Variants in RAB11FIP3 observed in about 807,000 individuals in gnomAD.
The protein encoded by RAB11FIP3 is RAB11 family interacting protein 3.
In RAB11FIP3, 17 loss-of-function variants were observed where a neutral mutation model predicts 77.8. That is an observed-to-expected ratio of 0.22 (90% confidence interval 0.15 to 0.33). The LOEUF (loss-of-function observed/expected upper bound fraction) is 0.33. Ranked by LOEUF, RAB11FIP3 falls within the 10% of genes least tolerant of loss-of-function variation. RAB11FIP3 has a pLI of 1.00. For synonymous variants in RAB11FIP3, 437 were observed against 448.2 expected (o/e 0.98, Z 0.31); for missense variants, 1,005 against 1,011.2 (o/e 0.99, Z 0.08).
At chr16:432,259 C>T (rs1407159142) in intron 1 of RAB11FIP3, among the ~76,000 whole-genome samples, 1 of 151,942 alleles carries the variant, frequency 6.6e-6, no homozygotes, top group Non-Finnish European at 1.5e-5. Flanking sequence ...CGCCTATAAT[C>T]CCAGGTACTT....
intron 8 of RAB11FIP3, among the ~76,000 whole-genome samples, chr16:510,086 ACC>A: frequency 7.4e-6 from 1 of 134,328 alleles, no homozygotes; most frequent in Admixed American, 7.5e-5. Flanking sequence ...TGGCCCTGGC[ACC>A]TCCACGCCCC....
chr16:509,304 C>T (rs1038353890), intron 8 of RAB11FIP3, among the ~76,000 whole-genome samples: 3 of 152,264 alleles, frequency 2.0e-5, no homozygotes, highest in African/African-American at 4.8e-5. Flanking sequence ...AGCTTTGGCT[C>T]TCTGCTCGCG....
chr16:492,425 C>CCCGGGAGATCCGAGGCCGCCCAGAGCCCT (rs2030511213), intron 5 of RAB11FIP3, among the ~76,000 whole-genome samples: 1 of 43,226 alleles, frequency 2.3e-5, no homozygotes, highest in Non-Finnish European at 4.5e-5. Flanking sequence ...CCAGGGCCCT[C>CCCGGGAGATCCGAGGCCGCCCAGAGCCCT]CCCGGGAGAC....
chr16:508,431 T>C (rs753319817), intron 8 of RAB11FIP3, among the ~76,000 whole-genome samples: 8 of 152,264 alleles, frequency 5.3e-5, no homozygotes, highest in Non-Finnish European at 7.3e-5. Flanking sequence ...TGGAGTGCAA[T>C]GGCACAATCT....
chr16:471,495 G>C lies in RAB11FIP3; in HGVS notation c.903+106G>C. ...CTCCGGGCTGTCTTCCGTAGAAGCT[G>C]GCGTGAAGGAAGGGCCTCCCGCCCT... On this transcript the variant is annotated intron_variant, in intron 3 of 13. Coordinates refer to ENST00000262305, the MANE Select transcript of RAB11FIP3 (RefSeq NM_014700.4). The surrounding 1 kb of genome is among the most constrained non-coding windows in gnomAD (Gnocchi z 4.4). The C allele has an allele frequency of 9.8e-7, 1 of 1,017,104 alleles. No homozygotes were observed. Among genetic ancestry groups the C allele is most frequent in the Non-Finnish European group, 1.5e-6 (1 of 670,460 alleles). The allele number at this position is 1,017,104 out of a possible 1,614,324, so 63.0% of individuals were successfully genotyped here.
At chr16:451,589 C>G (rs1365433497) in intron 1 of RAB11FIP3, 2 of 152,318 alleles carry the variant, frequency 1.3e-5, no homozygotes, top group East Asian at 1.9e-4. Context: ...AATCCCAGCA[C>G]TTTGGCAGGC....
chr16:512,383 G>C (rs140834825), intron 9 of RAB11FIP3, among the ~76,000 whole-genome samples: 3,445 of 151,890 alleles, frequency 0.023, 143 homozygotes, highest in African/African-American at 0.079. Flanking sequence ...TGGGACTACA[G>C]GTGCCTGCCA....
intron 2 of RAB11FIP3, among the ~76,000 whole-genome samples, chr16:463,068 C>T (rs1220552167): frequency 6.6e-6 from 1 of 152,260 alleles, no homozygotes; most frequent in South Asian, 2.1e-4. Context: ...GGGGTAAACT[C>T]GGTTCTTCAC....
rs546000209 is a variant in RAB11FIP3, at chr16:505,708, C to G, written c.1499+81C>G. The G allele has an allele frequency of 8.2e-6, 10 of 1,224,302 alleles. No individual in the cohort carries two copies. In the East Asian group the frequency reaches 2.6e-4, roughly 31 times the overall value. 75.8% of individuals were successfully genotyped at this position (1,224,302 alleles called of 1,614,324 possible). On this transcript the variant is annotated intron_variant, in intron 8 of 13. Coordinates refer to ENST00000262305, the MANE Select transcript of RAB11FIP3 (RefSeq NM_014700.4). The surrounding 1 kb of genome is among the most constrained non-coding windows in gnomAD (Gnocchi z 4.0). ...TCAGCCCCCATTTACTTCTCTTTACCTCACACAGCAGGGGCTTGGCCACCC... is the reference window on the plus strand; with the variant it reads ...TCAGCCCCCATTTACTTCTCTTTACGTCACACAGCAGGGGCTTGGCCACCC...
chr16:477,240 G>C (rs955364622), intron 3 of RAB11FIP3, among the ~76,000 whole-genome samples: 2 of 152,208 alleles, frequency 1.3e-5, no homozygotes, highest in Non-Finnish European at 2.9e-5. Flanking sequence ...GGCGACAAGA[G>C]CGAGACTCTA....
intron 1 of RAB11FIP3, among the ~76,000 whole-genome samples, chr16:427,644 A>T (rs918583375): frequency 6.6e-6 from 1 of 152,232 alleles, no homozygotes; most frequent in East Asian, 1.9e-4. Flanking sequence ...CTTAGCAGGA[A>T]ATCCCTAAGG....
intron 4 of RAB11FIP3, among the ~76,000 whole-genome samples, chr16:486,624 G>C (rs1196861521): frequency 6.6e-6 from 1 of 152,368 alleles, no homozygotes; most frequent in East Asian, 1.9e-4. Flanking sequence ...GCGTCTGGGT[G>C]CAGACCGTCC....
intron 1 of RAB11FIP3, among the ~76,000 whole-genome samples, chr16:456,896 C>T (rs1050292513): frequency 9.9e-5 from 15 of 152,008 alleles, no homozygotes; most frequent in African/African-American, 2.9e-4. Flanking sequence ...TCCGTGCCAT[C>T]GGCAGGTGAG....
At chr16:487,256 G>A (rs1596262194) in intron 4 of RAB11FIP3, among the ~76,000 whole-genome samples, 2 of 151,064 alleles carry the variant, frequency 1.3e-5, no homozygotes, top group South Asian at 2.1e-4. Context: ...TCAGCCTCCC[G>A]AGTAGCTGGG....
At chr16:443,211 A>G (rs1026693003) in intron 1 of RAB11FIP3, among the ~76,000 whole-genome samples, 1 of 152,198 alleles carries the variant, frequency 6.6e-6, no homozygotes, top group African/African-American at 2.4e-5. Context: ...AATACCAAGC[A>G]GGAGGAGTCT....
At chr16:440,088 C>G (rs2055199462) in intron 1 of RAB11FIP3, among the ~76,000 whole-genome samples, 1 of 152,148 alleles carries the variant, frequency 6.6e-6, no homozygotes, top group South Asian at 2.1e-4. Flanking sequence ...GATCCGCCCC[C>G]CCCATCGGCC....
chr16:462,719 G>A (rs1366942844), intron 2 of RAB11FIP3, among the ~76,000 whole-genome samples: 3 of 105,874 alleles, frequency 2.8e-5, no homozygotes, highest in African/African-American at 1.2e-4. Context: ...CCCTTCCCCA[G>A]TCCCTTCCCC....
Position 505,432 on chromosome 16 carries a change from A to T in RAB11FIP3, c.1396-92A>T, listed in dbSNP as rs1230761493. The T allele has an allele frequency of 2.1e-6, 2 of 967,838 alleles. No individual in the cohort carries two copies. The highest frequency in any genetic ancestry group is 3.1e-6 in the Non-Finnish European group (2 of 655,312). The allele number at this position is 967,838 out of a possible 1,614,324, so 60.0% of individuals were successfully genotyped here. On this transcript the variant is annotated intron_variant, in intron 7 of 13. Coordinates refer to ENST00000262305, the MANE Select transcript of RAB11FIP3 (RefSeq NM_014700.4). This position sits in a 1 kb window ranked among gnomAD's most constrained non-coding sequence, Gnocchi z 4.0. The stretch of plus-strand genomic sequence containing the variant: ...GGTGGATCTGATTCTGTGCTGAGAA[A>T]ATCCCCAGGCGGCCTCCCAGGTTGT...
At chr16:440,946 T>C (rs1250815699) in intron 1 of RAB11FIP3, among the ~76,000 whole-genome samples, 1 of 152,098 alleles carries the variant, frequency 6.6e-6, no homozygotes, top group Non-Finnish European at 1.5e-5. Flanking sequence ...TTTTTCTTTT[T>C]TTTTTTTTTA....
Sources: allele counts gnomAD v4.1 joint callset (sites outside exome capture counted in the v4.1 genomes callset), GRCh38; gene constraint gnomAD v4.1.1; non-coding constraint Gnocchi (gnomAD v3.1); transcripts MANE v1.5; gene names NCBI Gene and HGNC (gene_info 2026-07-23, HGNC 2026-07-21).